Variants in LMLN observed in about 807,000 individuals in gnomAD.
LMLN encodes the protein leishmanolysin-like peptidase.
In LMLN, 70 loss-of-function variants were observed where a neutral mutation model predicts 92.3. That is an observed-to-expected ratio of 0.76 (90% CI 0.63 to 0.92). The LOEUF is 0.92. LMLN is among the 40% of genes least tolerant of loss of function. LMLN has a pLI of 0.00. For synonymous variants in LMLN, 308 were observed against 296.2 expected (o/e 1.04, Z -0.41); for missense variants, 691 against 814.6 (o/e 0.85, Z 1.85).
At chr3:197,969,325 C>CT (rs1402110196) in intron 1 of LMLN, among the ~76,000 whole-genome samples, 1 of 151,920 alleles carries the variant, frequency 6.6e-6, no homozygotes, top group Non-Finnish European at 1.5e-5. Flanking sequence ...AATTTGAGAT[C>CT]TTTTTTCTAA....
chr3:198,008,922 T>C (rs1722363530), intron 11 of LMLN, among the ~76,000 whole-genome samples: 2 of 152,236 alleles, frequency 1.3e-5, no homozygotes, highest in African/African-American at 4.8e-5. Context: ...CTTTGTTTAA[T>C]TTCCAGCTAT....
chr3:198,019,495 G>A lies in LMLN; in HGVS notation c.1365+110G>A, dbSNP rs1432899460. On this transcript the variant is annotated intron_variant, in intron 12 of 15. Transcript: ENST00000330198. The surrounding 1 kb of genome is among the most constrained non-coding windows in gnomAD (Gnocchi z 5.5). ...ATTCTTAATTTATAAGGCCTTGTTT[G>A]TTTTCTGTAAGTTAGAAAAAAATGG... 1 of 1,101,202 alleles carries A rather than the reference G, an allele frequency of 9.1e-7. No homozygotes were observed. The highest frequency in any genetic ancestry group is 2.6e-5 in the East Asian group (1 of 38,126). 68.2% of individuals were successfully genotyped at this position (1,101,202 alleles called of 1,614,324 possible).
At chr3:198,039,654 T>C (rs1398426997) in exon 16 of LMLN, 2 of 51,632 alleles carry the variant, frequency 3.9e-5, no homozygotes, top group African/African-American at 4.1e-4. Context: ...ACTGTTCCCA[T>C]TGTTCTAAAG....
At chr3:197,999,785 A>G (rs1167605846) in intron 11 of LMLN, 1 of 160,832 alleles carries the variant, frequency 6.2e-6, no homozygotes. Context: ...TGGCCTCCCA[A>G]AGTGCTGGGA....
intron 11 of LMLN, among the ~76,000 whole-genome samples, chr3:198,010,188 C>G (rs897685587): frequency 2.0e-5 from 3 of 152,190 alleles, no homozygotes; most frequent in African/African-American, 7.2e-5. Flanking sequence ...GAGTCTCACT[C>G]TGTCGCCCAG....
chr3:198,030,093 C>T (rs1723039016), intron 14 of LMLN, among the ~76,000 whole-genome samples: 2 of 152,162 alleles, frequency 1.3e-5, no homozygotes, highest in Non-Finnish European at 2.9e-5. Flanking sequence ...ATCTGCCTGC[C>T]TGGGCCTCCC....
chr3:197,973,890 A>G (rs1272499204), intron 1 of LMLN, among the ~76,000 whole-genome samples: 1 of 152,238 alleles, frequency 6.6e-6, no homozygotes, highest in Admixed American at 6.5e-5. Flanking sequence ...TAAAGTGTTG[A>G]TACTGCTGAG....
At chr3:198,003,035 G>A in intron 11 of LMLN, 2 of 1,550,706 alleles carry the variant, frequency 1.3e-6, no homozygotes, top group Admixed American at 2.0e-5. Flanking sequence ...GCAAATTACA[G>A]CATGGCTGAG....
chr3:198,035,995 C>G, exon 15 of LMLN: 1 of 1,614,006 alleles, frequency 6.2e-7, no homozygotes, highest in Non-Finnish European at 8.5e-7. Context: ...GCTCTGTCCT[C>G]CAGAAACAGA....
At chr3:197,993,450 ATACTAACAGAAAAC>A (rs1721934157) in intron 9 of LMLN, among the ~76,000 whole-genome samples, 1 of 152,168 alleles carries the variant, frequency 6.6e-6, no homozygotes, top group Admixed American at 6.5e-5. Flanking sequence ...AGTTTTCTAT[ATACTAACAGAAAAC>A]TACCTGAAAA....
chr3:197,974,966 T>C, intron 2 of LMLN, 76 bp from the exon 3 acceptor site: 1 of 999,536 alleles, frequency 1.0e-6, no homozygotes, highest in Non-Finnish European at 1.6e-6. Flanking sequence ...GGTTGCCCAT[T>C]TTTATGGTTA....
intron 11 of LMLN, among the ~76,000 whole-genome samples, chr3:198,001,736 A>G (rs546664367): frequency 2.6e-4 from 40 of 152,280 alleles, no homozygotes; most frequent in Non-Finnish European, 4.6e-4. Flanking sequence ...TACATTACAC[A>G]TTTGTTTGAT....
At position 198,019,129 on chromosome 3, in the gene LMLN, CA is replaced by C; in HGVS notation, c.1233-123del. The C allele has an allele frequency of 2.1e-6, 2 of 937,922 alleles. No individual in the cohort carries two copies. The highest frequency in any genetic ancestry group is 3.1e-6 in the Non-Finnish European group (2 of 639,234). The allele number at this position is 937,922 out of a possible 1,614,324, so 58.1% of individuals were successfully genotyped here. ...TGCCTCCATCTCTTTCCAAGAATCC[CA>C]TTTGTTAATTATGAAGGTTTGTATT... On this transcript the variant is annotated intron_variant, in intron 11 of 15. Coordinates refer to ENST00000330198, the Ensembl canonical transcript of LMLN. This position sits in a 1 kb window ranked among gnomAD's most constrained non-coding sequence, Gnocchi z 5.5.
At chr3:198,009,805 T>C (rs1363472555) in intron 11 of LMLN, among the ~76,000 whole-genome samples, 2 of 152,216 alleles carry the variant, frequency 1.3e-5, no homozygotes, top group Admixed American at 6.5e-5. Flanking sequence ...TTGACATCTG[T>C]AGGGTCTGTT....
At chr3:198,000,614 G>A (rs538934020) in intron 11 of LMLN, among the ~76,000 whole-genome samples, 8 of 152,214 alleles carry the variant, frequency 5.3e-5, no homozygotes, top group Non-Finnish European at 2.9e-5. Context: ...TTTTAGTGTA[G>A]ATGGGGTTTC....
chr3:197,968,359 A>G (rs1381251038), intron 1 of LMLN, among the ~76,000 whole-genome samples: 1 of 152,054 alleles, frequency 6.6e-6, no homozygotes, highest in Admixed American at 6.6e-5. Context: ...AGTCCCAGCT[A>G]CTTGGGAGGC....
In LMLN at chr3:198,025,985, T is replaced by G. The variant is rs1004050467; in HGVS notation, c.1656+1197T>G. On this transcript the variant is annotated intron_variant, in intron 14 of 15. Transcript: ENST00000330198. This position sits in a 1 kb window ranked among gnomAD's most constrained non-coding sequence, Gnocchi z 4.3. ...TTTCTGTTTTTTTTTGAGACAGGGT[T>G]TTGCTCTGTCACCCAGGCTAGAGAC... is the stretch of plus-strand genomic sequence containing the variant. 1.1e-4 allele frequency among the ~76,000 whole-genome samples: 17 copies of G among 151,932 alleles called. No homozygotes were observed. Among genetic ancestry groups the G allele is most frequent in the Non-Finnish European group, 2.2e-4 (15 of 67,954 alleles).
intron 9 of LMLN, among the ~76,000 whole-genome samples, chr3:197,990,939 C>G (rs1299338824): frequency 6.6e-6 from 1 of 152,036 alleles, no homozygotes; most frequent in Admixed American, 6.6e-5. Context: ...ACCACTGGTA[C>G]TATTTCTATA....
chr3:198,029,798 A>T (rs957161733), intron 14 of LMLN, among the ~76,000 whole-genome samples: 1 of 152,108 alleles, frequency 6.6e-6, no homozygotes, highest in African/African-American at 2.4e-5. Context: ...TTGGGGGTGG[A>T]GGAGTCAGGG....
Sources: gnomAD v4.1 joint callset for allele counts (sites outside exome capture counted in the v4.1 genomes callset) on GRCh38, gnomAD v4.1.1 for gene constraint, Gnocchi (gnomAD v3.1) non-coding constraint, MANE v1.5 for transcripts, NCBI Gene and HGNC (gene_info 2026-07-23, HGNC 2026-07-21) for gene names.